PCDHGA9: variants seen among roughly 807,000 people sequenced by gnomAD.
PCDHGA9 encodes protocadherin gamma-A9.
In PCDHGA9, 37 loss-of-function variants were observed where a neutral mutation model predicts 62.5. The ratio of observed to expected loss-of-function variants is 0.59; its 90% CI spans 0.46 to 0.78. PCDHGA9 has a LOEUF of 0.78. Among genes scored for constraint, PCDHGA9 ranks in the 30% least tolerant of loss-of-function variants. The probability of loss-of-function intolerance (pLI) is 0.00; values close to 1 mark genes in which losing one functional copy is unlikely to be tolerated. For synonymous variants in PCDHGA9, 459 were observed against 484.6 expected (o/e 0.95, Z 0.69); for missense variants, 1,138 against 1,166.2 (o/e 0.98, Z 0.35).
intron 2 of PCDHGA9, among the ~76,000 whole-genome samples, chr5:141,501,877 A>G (rs1267260445): frequency 1.3e-5 from 2 of 151,690 alleles, no homozygotes; most frequent in East Asian, 3.9e-4. Flanking sequence ...GCCTCCTTAC[A>G]CTCCTGATCA....
In PCDHGA9 at chr5:141,413,208, A is replaced by G. The variant is rs532127106; in HGVS notation, c.2424+7832A>G. The G allele has an allele frequency of 3.5e-5, 57 of 1,612,984 alleles. No individual in the cohort carries two copies. The African/African-American group carries it at 5.2e-4, about 15-fold the overall frequency. On this transcript the variant is annotated intron_variant, in intron 1 of 3. Coordinates refer to ENST00000573521, the MANE Select transcript of PCDHGA9 (RefSeq NM_018921.3). ...CTCAAAGGAATCGCTCAAAGGAATC[A>G]AAGGATTGCAGCGGGCTGGTCCTGC... is the stretch of plus-strand genomic sequence containing the variant.
intron 1 of PCDHGA9, chr5:141,410,177 A>C (rs2095365763): frequency 1.2e-6 from 2 of 1,613,626 alleles, no homozygotes; most frequent in Non-Finnish European, 1.7e-6. Flanking sequence ...TGCCACCGCC[A>C]CGCTTCATCT....
At chr5:141,445,364 C>T (rs1374418361) in intron 1 of PCDHGA9, among the ~76,000 whole-genome samples, 1 of 152,158 alleles carries the variant, frequency 6.6e-6, no homozygotes, top group African/African-American at 2.4e-5. Flanking sequence ...CAAGTCTGGT[C>T]CTGGGTGGTT....
Position 141,404,160 on chromosome 5 carries a change from G to A in PCDHGA9, c.1208G>A (p.Arg403Lys), listed in dbSNP as rs1308529085. The change falls in exon 1 of 4, where the codon AGA becomes AAA. Residue 403 changes from arginine to lysine, a missense_variant. Coordinates refer to ENST00000573521, the MANE Select transcript of PCDHGA9 (RefSeq NM_018921.3). The stretch of plus-strand genomic sequence containing the variant: ...GAAAATTCAGAAGAAGATTATTACA[G>A]ATTGTTGACGGCCCAAATTCTTGAC... ...TLENSEEDYY[R>K]LLTAQILDRE... is the part of the protein sequence containing the mutation. The A allele has an allele frequency of 3.1e-6, 5 of 1,613,054 alleles. No homozygotes were observed. In the Admixed American group the frequency reaches 6.7e-5, roughly 22 times the overall value.
At chr5:141,466,654 C>A (rs985749176) in intron 1 of PCDHGA9, among the ~76,000 whole-genome samples, 12 of 152,178 alleles carry the variant, frequency 7.9e-5, no homozygotes, top group African/African-American at 2.9e-4. Flanking sequence ...TTTCACAAAA[C>A]ATCAGTGATT....
rs561122870 is a variant in PCDHGA9 at position 141,439,444 on chromosome 5, C to T, written c.2424+34068C>T. On this transcript the variant is annotated intron_variant, in intron 1 of 3. Transcript: ENST00000573521. ...ATAAATTCCCAGGAATATTTTATTG[C>T]GGGAGCAAGACTGCACTGCTGCCTT... Among the ~76,000 whole-genome samples the T allele has an allele frequency of 3.0e-4, 46 of 152,264 alleles. 1 individual carries two copies. The South Asian group carries it at 6.2e-3, about 21-fold the overall frequency.
chr5:141,486,522 A>G lies in PCDHGA9; in HGVS notation c.2425-8285A>G. 1 of 1,614,174 alleles carries G rather than the reference A, an allele frequency of 6.2e-7. No homozygotes were observed. Among genetic ancestry groups the G allele is most frequent in the Non-Finnish European group, 8.5e-7 (1 of 1,180,024 alleles). On this transcript the variant is annotated intron_variant, in intron 1 of 3. Transcript: ENST00000573521. The surrounding 1 kb of genome is among the most constrained non-coding windows in gnomAD (Gnocchi z 5.0). The stretch of plus-strand genomic sequence containing the variant: ...TTCCTCAATATTTCAGATGTGAATG[A>G]TAATCCACCCTCTTTCTTTCAGAGG...
chr5:141,501,475 G>A (rs1305778190), intron 2 of PCDHGA9, among the ~76,000 whole-genome samples: 5 of 152,014 alleles, frequency 3.3e-5, no homozygotes, highest in Admixed American at 3.3e-4. Flanking sequence ...AATCCTGGAA[G>A]AGTCCCTCAT....
rs370242892 is a variant in PCDHGA9 at position 141,420,225 on chromosome 5, C to A, written c.2424+14849C>A. On this transcript the variant is annotated intron_variant, in intron 1 of 3. Coordinates refer to ENST00000573521, the MANE Select transcript of PCDHGA9 (RefSeq NM_018921.3). ...CTCAACAAAGATAGCATGCTACTGGCTAGCATTTTAACTCCCAGCGTTGAA... is the reference window on the plus strand; with the variant it reads ...CTCAACAAAGATAGCATGCTACTGGATAGCATTTTAACTCCCAGCGTTGAA... 13 of 1,603,470 alleles carry A rather than the reference C, an allele frequency of 8.1e-6. No homozygotes were observed. In the African/African-American group the frequency reaches 1.7e-4, roughly 21 times the overall value.
Position 141,511,107 on chromosome 5 carries a change from G to A in PCDHGA9, c.2733G>A (p.Arg911=), listed in dbSNP as rs2099883608. 1 of 1,614,220 alleles carries A rather than the reference G, an allele frequency of 6.2e-7. No homozygotes were observed. Among genetic ancestry groups the A allele is most frequent in the Non-Finnish European group, 8.5e-7 (1 of 1,180,020 alleles). Residue 911 remains arginine, a synonymous_variant, in exon 4 of 4, where the codon CGG becomes CGA. Coordinates refer to ENST00000573521, the MANE Select transcript of PCDHGA9 (RefSeq NM_018921.3). Reference sequence around the variant, plus strand: ...CACTGACCAACGCAGCTGGCAAGCGGGATGGCAAGGCCCCAGCAGGTGGCA... The same window carrying A: ...CACTGACCAACGCAGCTGGCAAGCGAGATGGCAAGGCCCCAGCAGGTGGCA... The part of the protein sequence containing the change: ...NATLTNAAGK[R]DGKAPAGGNG...
At chr5:141,413,381 G>T in intron 1 of PCDHGA9, 2 of 1,613,946 alleles carry the variant, frequency 1.2e-6, no homozygotes, top group Admixed American at 1.7e-5. Context: ...CGCGGAGTCC[G>T]CATAGTCTCC....
intron 1 of PCDHGA9, chr5:141,421,806 A>G: frequency 6.2e-7 from 1 of 1,613,842 alleles, no homozygotes; most frequent in Non-Finnish European, 8.5e-7. Context: ...CCAAGAATCC[A>G]GAGCTAGTAC....
intron 1 of PCDHGA9, chr5:141,414,054 G>A: frequency 6.2e-7 from 1 of 1,610,250 alleles, no homozygotes; most frequent in Non-Finnish European, 8.5e-7. Flanking sequence ...ACACGCAATT[G>A]TTGAAGTTCC....
chr5:141,421,507 G>A lies in PCDHGA9; in HGVS notation c.2424+16131G>A, dbSNP rs758920296. On this transcript the variant is annotated intron_variant, in intron 1 of 3. Coordinates refer to ENST00000573521, the MANE Select transcript of PCDHGA9 (RefSeq NM_018921.3). ...GATCACGGCAGGCAGGATAGACCGG[G>A]AGGAGCTCTGTGAGACGGTGTCCTC... The A allele has an allele frequency of 6.8e-6, 11 of 1,614,070 alleles. No homozygotes were observed. The South Asian group carries it at 1.2e-4, about 18-fold the overall frequency.
At chr5:141,473,988 G>C (rs1006988447) in intron 1 of PCDHGA9, among the ~76,000 whole-genome samples, 8 of 152,118 alleles carry the variant, frequency 5.3e-5, no homozygotes, top group Non-Finnish European at 4.4e-5. Context: ...AGGATCCCTT[G>C]AGCCCAAGGA....
At chr5:141,471,422 A>T (rs919676109) in intron 1 of PCDHGA9, 5 of 152,176 alleles carry the variant, frequency 3.3e-5, no homozygotes, top group Non-Finnish European at 5.9e-5. Context: ...GTTTTTAGCA[A>T]GGAAAGTGTA....
chr5:141,476,040 G>T lies in PCDHGA9; in HGVS notation c.2425-18767G>T. On this transcript the variant is annotated intron_variant, in intron 1 of 3. Coordinates refer to ENST00000573521, the MANE Select transcript of PCDHGA9 (RefSeq NM_018921.3). This position sits in a 1 kb window ranked among gnomAD's most constrained non-coding sequence, Gnocchi z 7.6. ...CGGACTCGGCGCCCAGCGCCCAAGC[G>T]CTAACCCGCTGAAAGTTTCTCAGCG... is the stretch of plus-strand genomic sequence containing the variant. 1 of 1,488,704 alleles carries T rather than the reference G, an allele frequency of 6.7e-7. No homozygotes were observed. 92.2% of individuals were successfully genotyped at this position (1,488,704 alleles called of 1,614,324 possible).
rs1382965437 is a variant in PCDHGA9, at chr5:141,403,447, C to G, written c.495C>G (p.Asn165Lys). ...CTATTGATCCGGATGTTGGCGTGAA[C>G]TCCCTCCAGAGCTACCAGCTCAGCC... Reference protein sequence around the residue: ...PEAIDPDVGVNSLQSYQLSPN... With the variant: ...PEAIDPDVGVKSLQSYQLSPN... Residue 165 changes from asparagine (N) to lysine (K), a missense_variant, in exon 1 of 4, where the codon AAC becomes AAG. By Grantham distance (94) the Asn-to-Lys change is moderately conservative. Coordinates refer to ENST00000573521, the MANE Select transcript of PCDHGA9 (RefSeq NM_018921.3). 1 of 1,613,924 alleles carries G rather than the reference C, an allele frequency of 6.2e-7. No individual in the cohort carries two copies. The highest frequency in any genetic ancestry group is 8.5e-7 in the Non-Finnish European group (1 of 1,179,912).
At chr5:141,425,842 T>G (rs2096897830) in intron 1 of PCDHGA9, among the ~76,000 whole-genome samples, 1 of 152,230 alleles carries the variant, frequency 6.6e-6, no homozygotes, top group Non-Finnish European at 1.5e-5. Context: ...TTCTCTTTGC[T>G]GGGTTAATGA....
Sources: gnomAD v4.1 joint callset for allele counts (sites outside exome capture counted in the v4.1 genomes callset) on GRCh38, gnomAD v4.1.1 for gene constraint, Gnocchi (gnomAD v3.1) non-coding constraint, MANE v1.5 for transcripts, NCBI Gene and HGNC (gene_info 2026-07-23, HGNC 2026-07-21) for gene names.